The following POLR2F variants were observed in gnomAD, a reference collection of about 807,000 sequenced individuals.
POLR2F encodes RNA polymerase II, I and III subunit F.
Under a neutral mutation model 22.7 loss-of-function variants are expected in POLR2F, and 12 were observed. The observed-to-expected ratio is 0.53, with a 90% confidence interval of 0.34 to 0.86. The LOEUF is 0.86. POLR2F is among the 40% of genes least tolerant of loss of function. The pLI, the probability that POLR2F is intolerant of heterozygous loss-of-function variation, is 0.02. For synonymous variants in POLR2F, 57 were observed against 66.0 expected, an observed-to-expected ratio of 0.86 and a Z score of 0.66; for missense variants, 126 against 171.5, an observed-to-expected ratio of 0.73 and a Z score of 1.48.
At chr22:37,987,540 C>T (rs983420900) in intron 1 of POLR2F, 35 of 352,548 alleles carry the variant, frequency 9.9e-5, no homozygotes, top group Non-Finnish European at 1.6e-4. Flanking sequence ...CACCCTCCCT[C>T]CCTGCCTGCC....
intron 1 of POLR2F, among the ~76,000 whole-genome samples, chr22:38,021,385 G>C (rs182811192): frequency 1.3e-5 from 2 of 152,274 alleles, no homozygotes; most frequent in East Asian, 3.9e-4. Flanking sequence ...CTGTCTCTTG[G>C]GGGTGAAGTG....
At chr22:38,025,552 C>G (rs1323935489) in intron 1 of POLR2F, 1 of 1,473,590 alleles carries the variant, frequency 6.8e-7, no homozygotes, top group African/African-American at 1.4e-5. Context: ...CCTGTCCACG[C>G]CCTTCTCCCA....
chr22:37,983,500 G>A (rs1252370101), upstream of POLR2F: 2 of 1,610,792 alleles, frequency 1.2e-6, no homozygotes, highest in African/African-American at 1.3e-5. This position sits in a 1 kb window ranked among gnomAD's most constrained non-coding sequence, Gnocchi z 9.5. Context: ...TGCTGGCGCC[G>A]TTGACGCGCA....
intron 1 of POLR2F, among the ~76,000 whole-genome samples, chr22:37,999,753 C>G (rs990647318): frequency 6.6e-6 from 1 of 152,162 alleles, no homozygotes; most frequent in Non-Finnish European, 1.5e-5. Flanking sequence ...CTCTCTGAGC[C>G]CCGGGGTTTC....
downstream of POLR2F, among the ~76,000 whole-genome samples, chr22:37,969,825 G>A (rs764801703): frequency 9.2e-5 from 14 of 152,120 alleles, no homozygotes; most frequent in Non-Finnish European, 1.8e-4. Flanking sequence ...AACCAATATT[G>A]CCAAATAAGT....
intron 1 of POLR2F, among the ~76,000 whole-genome samples, chr22:38,020,268 TA>T (rs199661510): frequency 0.01 from 1,573 of 151,352 alleles, 27 homozygotes; most frequent in African/African-American, 0.031. Context: ...TATACATATT[TA>T]AAAAAAATTT....
chr22:38,024,568 G>A (rs2084989950), intron 1 of POLR2F, among the ~76,000 whole-genome samples: 1 of 152,132 alleles, frequency 6.6e-6, no homozygotes, highest in African/African-American at 2.4e-5. Context: ...AGACATTATG[G>A]GGGTGCAGGA....
downstream of POLR2F, chr22:37,974,038 C>A: frequency 6.2e-7 from 1 of 1,614,048 alleles, no homozygotes; most frequent in South Asian, 1.1e-5. This position sits in a 1 kb window ranked among gnomAD's most constrained non-coding sequence, Gnocchi z 5.4. Context: ...CCATGTTGGA[C>A]ATTACCTCGT....
intron 5 of POLR2F, among the ~76,000 whole-genome samples, chr22:38,034,782 C>T (rs1273274393): frequency 2.0e-5 from 3 of 152,188 alleles, no homozygotes; most frequent in Admixed American, 2.0e-4. Context: ...CCAGCAGAGA[C>T]ACAGAGCGCA....
chr22:37,975,752 A>G (rs1003008153), intron 4 of POLR2F, among the ~76,000 whole-genome samples: 20 of 152,150 alleles, frequency 1.3e-4, no homozygotes, highest in East Asian at 1.9e-4. Flanking sequence ...TAGTTTCCTT[A>G]TCAGTAAAAT....
At chr22:38,025,672 C>G in intron 1 of POLR2F, 1 of 1,554,266 alleles carries the variant, frequency 6.4e-7, no homozygotes, top group Non-Finnish European at 8.7e-7. Flanking sequence ...GCTGACTTCT[C>G]CCGACAGTCC....
At chr22:38,000,050 T>C (rs1404959838) in intron 1 of POLR2F, among the ~76,000 whole-genome samples, 1 of 152,150 alleles carries the variant, frequency 6.6e-6, no homozygotes, top group East Asian at 1.9e-4. Context: ...GTGAGCTTAT[T>C]GGCCCCCAGA....
chr22:38,007,644 CGGGCCTCCAGTTCTTCCCGAGTCCCCCA>C (rs911581830), intron 1 of POLR2F, among the ~76,000 whole-genome samples: 6 of 152,322 alleles, frequency 3.9e-5, no homozygotes, highest in Non-Finnish European at 8.8e-5. Context: ...GAGGGCACCG[CGGGCCTCCAGTTCTTCCCGAGTCCCCCA>C]GGGCCTTGCC....
chr22:37,995,783 G>A (rs940234132), intron 1 of POLR2F, among the ~76,000 whole-genome samples: 1 of 151,608 alleles, frequency 6.6e-6, no homozygotes, highest in Admixed American at 6.6e-5. Context: ...GACCACCCTG[G>A]GCAACCCCCT....
chr22:38,013,249 G>A (rs762215893), intron 1 of POLR2F, among the ~76,000 whole-genome samples: 1 of 152,124 alleles, frequency 6.6e-6, no homozygotes, highest in Non-Finnish European at 1.5e-5. Flanking sequence ...GGTTTCAAGT[G>A]ATTCTACTGC....
chr22:38,030,728 C>G (rs1410943589), downstream of POLR2F, among the ~76,000 whole-genome samples: 1 of 152,132 alleles, frequency 6.6e-6, no homozygotes, highest in African/African-American at 2.4e-5. Context: ...TCTGGGATGA[C>G]TTGCTTTGCA....
intron 1 of POLR2F, among the ~76,000 whole-genome samples, chr22:38,021,639 T>G (rs1304692828): frequency 6.6e-6 from 1 of 152,046 alleles, no homozygotes; most frequent in Non-Finnish European, 1.5e-5. Context: ...ATATTTTTAA[T>G]AGAGATGGGG....
chr22:37,975,510 A>C (rs1361804694), intron 4 of POLR2F, among the ~76,000 whole-genome samples: 2 of 152,120 alleles, frequency 1.3e-5, no homozygotes, highest in East Asian at 3.9e-4. Context: ...TTGAAGGTGA[A>C]GAGTATGTAC....
At chr22:37,983,708 C>T (rs1932478012), upstream of POLR2F, 2 of 1,505,732 alleles carry the variant, frequency 1.3e-6, no homozygotes, top group African/African-American at 1.4e-5. This position sits in a 1 kb window ranked among gnomAD's most constrained non-coding sequence, Gnocchi z 9.5. Context: ...GGGCGCGCTC[C>T]CCGGGGACAG....
Sources: allele counts gnomAD v4.1 joint callset (sites outside exome capture counted in the v4.1 genomes callset), GRCh38; gene constraint gnomAD v4.1.1; non-coding constraint Gnocchi (gnomAD v3.1); transcripts MANE v1.5; gene names NCBI Gene and HGNC (gene_info 2026-07-23, HGNC 2026-07-21).